The following LRP1B variants were observed in gnomAD, a reference collection of about 807,000 sequenced individuals.
LRP1B encodes LDL receptor related protein 1B.
In LRP1B, 217 loss-of-function variants were observed where a neutral mutation model predicts 556.6. The observed-to-expected ratio is 0.39, with a 90% confidence interval of 0.35 to 0.44. The LOEUF is 0.44. Ranked by LOEUF, LRP1B falls within the 20% of genes least tolerant of loss-of-function variation. The probability of loss-of-function intolerance (pLI) is 1.00; values close to 1 mark genes in which losing one functional copy is unlikely to be tolerated. For synonymous variants in LRP1B, 2,047 were observed against 1,865.8 expected (o/e 1.10, Z -2.50); for missense variants, 5,053 against 5,620.8 (o/e 0.90, Z 3.23).
At chr2:141,193,775 A>T (rs573019179) in intron 6 of LRP1B, among the ~76,000 whole-genome samples, 4 of 138,358 alleles carry the variant, frequency 2.9e-5, no homozygotes, top group South Asian at 4.5e-4. Flanking sequence ...AATCTTGCTT[A>T]AAAAAAAAAA....
chr2:141,388,524 A>AT lies in LRP1B; in HGVS notation c.343+91871dup, dbSNP rs771690074. On this transcript the variant is annotated intron_variant, in intron 3 of 90. Transcript: ENST00000389484. The stretch of plus-strand genomic sequence containing the variant: ...AAACTACTTCAATATAATAAAGGAC[A>AT]TTTTTTTTAAACCCACAGCTAACAT... 1.6e-3 allele frequency among the ~76,000 whole-genome samples: 242 copies of AT among 151,956 alleles called. 5 individuals carry two copies. Among genetic ancestry groups the AT allele is most frequent in the East Asian group, 4.3e-3 (22 of 5,172 alleles).
At chr2:142,022,719 G>A (rs1217287017) in intron 1 of LRP1B, among the ~76,000 whole-genome samples, 1 of 152,088 alleles carries the variant, frequency 6.6e-6, no homozygotes, top group Non-Finnish European at 1.5e-5. Flanking sequence ...TGCCCAGGCT[G>A]GAGTGCCGTG....
intron 14 of LRP1B, among the ~76,000 whole-genome samples, chr2:141,008,570 G>T (rs1305181676): frequency 6.6e-6 from 1 of 151,678 alleles, no homozygotes; most frequent in Non-Finnish European, 1.5e-5. Flanking sequence ...TCAGGAAGCA[G>T]ATAGTTTTTA....
chr2:140,578,114 G>A (rs900618160), intron 43 of LRP1B, among the ~76,000 whole-genome samples: 1 of 152,126 alleles, frequency 6.6e-6, no homozygotes, highest in South Asian at 2.1e-4. Flanking sequence ...TTACCAATGA[G>A]CATAATAATT....
chr2:141,960,119 A>C (rs545808760), intron 1 of LRP1B, among the ~76,000 whole-genome samples: 2 of 152,010 alleles, frequency 1.3e-5, no homozygotes, highest in African/African-American at 4.8e-5. Flanking sequence ...AAGAGAGAGA[A>C]AGTTTAGCTG....
At chr2:141,081,749 G>T (rs979119963) in intron 7 of LRP1B, among the ~76,000 whole-genome samples, 17 of 152,152 alleles carry the variant, frequency 1.1e-4, no homozygotes, top group Middle Eastern at 3.2e-3. Context: ...AAGAGGCACA[G>T]TAGAACTTTA....
At chr2:142,030,268 G>A (rs1405040863) in intron 1 of LRP1B, among the ~76,000 whole-genome samples, 3 of 151,848 alleles carry the variant, frequency 2.0e-5, no homozygotes, top group Admixed American at 6.6e-5. Context: ...ATAAAAGGAT[G>A]AGTCATTAAA....
chr2:141,390,382 G>A (rs1690005828), intron 3 of LRP1B, among the ~76,000 whole-genome samples: 1 of 152,112 alleles, frequency 6.6e-6, no homozygotes, highest in Admixed American at 6.6e-5. Flanking sequence ...AGTAAAAAAC[G>A]TTTGGCACTC....
At chr2:140,906,530 G>A (rs2105229237) in intron 22 of LRP1B, among the ~76,000 whole-genome samples, 1 of 152,044 alleles carries the variant, frequency 6.6e-6, no homozygotes, top group East Asian at 1.9e-4. Context: ...AGGGCATCAG[G>A]CATTATTACC....
At chr2:141,333,642 T>C (rs1160142442) in intron 3 of LRP1B, among the ~76,000 whole-genome samples, 1 of 152,192 alleles carries the variant, frequency 6.6e-6, no homozygotes, top group Admixed American at 6.5e-5. Flanking sequence ...ACCACCTCCA[T>C]CTGAAAATTT....
chr2:140,307,243 A>G (rs1354994887), intron 83 of LRP1B, among the ~76,000 whole-genome samples: 1 of 151,996 alleles, frequency 6.6e-6, no homozygotes, highest in Non-Finnish European at 1.5e-5. Flanking sequence ...TCCCTACATC[A>G]CATTCTGTAA....
At chr2:141,775,924 GCTCCGC>G (rs2105626218) in intron 2 of LRP1B, among the ~76,000 whole-genome samples, 1 of 149,856 alleles carries the variant, frequency 6.7e-6, no homozygotes, top group East Asian at 2.0e-4. Flanking sequence ...CTCACTGCAA[GCTCCGC>G]CTCCTGGGTT....
At chr2:141,796,015 G>A (rs1294637864) in intron 2 of LRP1B, among the ~76,000 whole-genome samples, 1 of 150,462 alleles carries the variant, frequency 6.6e-6, no homozygotes, top group African/African-American at 2.4e-5. Flanking sequence ...TTAAACACAA[G>A]CCAATCTCAG....
At chr2:142,077,726 C>T (rs1318667131) in intron 1 of LRP1B, among the ~76,000 whole-genome samples, 1 of 152,004 alleles carries the variant, frequency 6.6e-6, no homozygotes, top group African/African-American at 2.4e-5. Context: ...TGGTTCGCTG[C>T]AGGATTTCAC....
At chr2:140,556,735 T>TAA (rs58738052) in intron 43 of LRP1B, among the ~76,000 whole-genome samples, 24 of 149,592 alleles carry the variant, frequency 1.6e-4, no homozygotes, top group South Asian at 2.1e-4. Context: ...CAAACAAATT[T>TAA]AAAAAAAAAA....
At chr2:141,502,139 T>C (rs1683738291) in intron 2 of LRP1B, among the ~76,000 whole-genome samples, 1 of 152,164 alleles carries the variant, frequency 6.6e-6, no homozygotes, top group African/African-American at 2.4e-5. Context: ...GGGAGTCCAT[T>C]TCGAAATACT....
At chr2:140,610,818 G>A (rs1366648670) in intron 41 of LRP1B, among the ~76,000 whole-genome samples, 1 of 152,126 alleles carries the variant, frequency 6.6e-6, no homozygotes, top group Non-Finnish European at 1.5e-5. Flanking sequence ...CTCTCCGCCC[G>A]CCTCGGCCTC....
At chr2:141,786,837 T>A (rs1695443520) in intron 2 of LRP1B, among the ~76,000 whole-genome samples, 1 of 151,988 alleles carries the variant, frequency 6.6e-6, no homozygotes, top group Non-Finnish European at 1.5e-5. Flanking sequence ...TTTCTTAGAG[T>A]TCTTCATCAT....
intron 29 of LRP1B, among the ~76,000 whole-genome samples, chr2:140,848,513 G>A (rs1313943650): frequency 6.6e-6 from 1 of 151,804 alleles, no homozygotes; most frequent in East Asian, 1.9e-4. Flanking sequence ...TAGCCTTCTA[G>A]TATTGAAAAG....
Sources: allele counts gnomAD v4.1 joint callset (sites outside exome capture counted in the v4.1 genomes callset), GRCh38; gene constraint gnomAD v4.1.1; transcripts MANE v1.5; gene names NCBI Gene and HGNC (gene_info 2026-07-23, HGNC 2026-07-21).